Variants in ROR1 observed in about 807,000 individuals in gnomAD.
ROR1 encodes the protein ROR family WNT receptor 1, also known as inactive tyrosine-protein kinase transmembrane receptor ROR1.
Under a neutral mutation model 78.8 loss-of-function variants are expected in ROR1, and 19 were observed. That is an observed-to-expected ratio of 0.24 (90% CI 0.17 to 0.35). The LOEUF (loss-of-function observed/expected upper bound fraction) is 0.35. ROR1 is among the 10% of genes least tolerant of loss of function. The pLI is 1.00. For synonymous variants in ROR1, 386 were observed against 433.6 expected (o/e 0.89, Z 1.36); for missense variants, 917 against 1,177.8 (o/e 0.78, Z 3.24).
At chr1:64,023,428 A>G (rs757885036) in intron 2 of ROR1, among the ~76,000 whole-genome samples, 1 of 152,172 alleles carries the variant, frequency 6.6e-6, no homozygotes, top group Non-Finnish European at 1.5e-5. Flanking sequence ...TAATAGCAGG[A>G]AGAGAGATGG....
Position 64,159,164 on chromosome 1 carries a change from T to C in ROR1, c.1358T>C (p.Met453Thr). The part of the protein sequence containing the change: ...PKHVRGQNVE[M>T]SMLNAYKPKS... ...CACGTCAGAGGTCAAAATGTAGAGATGTCAATGCTGAATGCATATAAACCC... is the reference window on the plus strand; with the variant it reads ...CACGTCAGAGGTCAAAATGTAGAGACGTCAATGCTGAATGCATATAAACCC... The change falls in exon 8 of 9, where the codon ATG (methionine) becomes ACG (threonine). Residue 453 changes from methionine (M) to threonine (T), a missense_variant. Transcript: ENST00000371079. 6.2e-7 allele frequency: 1 copy of C among 1,614,030 alleles called. No homozygotes were observed. Among genetic ancestry groups the C allele is most frequent in the Non-Finnish European group, 8.5e-7 (1 of 1,179,900 alleles).
chr1:64,114,527 G>A (rs1229229806), intron 4 of ROR1, among the ~76,000 whole-genome samples: 1 of 152,134 alleles, frequency 6.6e-6, no homozygotes, highest in African/African-American at 2.4e-5. Flanking sequence ...CAGCCCTGCA[G>A]CACCTTTAAA....
chr1:63,782,362 C>CA (rs1644656277), intron 1 of ROR1, among the ~76,000 whole-genome samples: 1 of 152,028 alleles, frequency 6.6e-6, no homozygotes, highest in South Asian at 2.1e-4. Flanking sequence ...AAAAACTCCC[C>CA]AGGCAGAATC....
intron 8 of ROR1, among the ~76,000 whole-genome samples, chr1:64,162,595 G>A (rs1287587246): frequency 6.7e-6 from 1 of 148,612 alleles, no homozygotes; most frequent in Non-Finnish European, 1.5e-5. Flanking sequence ...CTAGCTTTTT[G>A]CAGTTCAATT....
intron 7 of ROR1, 86 bp from the exon 8 acceptor site, chr1:64,158,895 G>C: frequency 1.0e-6 from 1 of 952,456 alleles, no homozygotes; most frequent in East Asian, 2.5e-5. Flanking sequence ...AATAGAAGAG[G>C]TGGTTCATTT....
chr1:64,120,890 A>G (rs1242592160), intron 4 of ROR1, among the ~76,000 whole-genome samples: 1 of 152,092 alleles, frequency 6.6e-6, no homozygotes, highest in East Asian at 1.9e-4. Flanking sequence ...TCCAGTCTAG[A>G]GGAGGCTCTC....
chr1:64,062,405 G>A (rs552494255), intron 4 of ROR1, among the ~76,000 whole-genome samples: 15 of 152,218 alleles, frequency 9.9e-5, no homozygotes, highest in African/African-American at 3.1e-4. Flanking sequence ...TCCACCTCCC[G>A]GGTTCATGCC....
At position 64,166,682 on chromosome 1, in the gene ROR1, A is replaced by G. The variant is rs113823638; in HGVS notation, c.1386+7490A>G. ...GCACAGCATTAACTGGGGTGAGGACACAGGCAAGAGAATCCCAGCAAAGAT... is the reference window on the plus strand; with the variant it reads ...GCACAGCATTAACTGGGGTGAGGACGCAGGCAAGAGAATCCCAGCAAAGAT... On this transcript the variant is annotated intron_variant, in intron 8 of 8. Transcript: ENST00000371079. Among the ~76,000 whole-genome samples, 810 of 152,324 alleles carry G rather than the reference A, an allele frequency of 5.3e-3. 9 individuals are homozygous for G. Among genetic ancestry groups the G allele is most frequent in the African/African-American group, 0.017 (715 of 41,574 alleles).
intron 4 of ROR1, among the ~76,000 whole-genome samples, chr1:64,128,291 CAAA>C: frequency 9.9e-6 from 1 of 101,254 alleles, no homozygotes. Flanking sequence ...CCTGTCTCTA[CAAA>C]AAAAAAAAAA....
chr1:64,042,591 T>G (rs934343451), intron 2 of ROR1, among the ~76,000 whole-genome samples: 1 of 152,198 alleles, frequency 6.6e-6, no homozygotes. Context: ...ACCTTCAGGT[T>G]ACCCACCTCC....
chr1:63,986,535 A>G (rs891556857), intron 1 of ROR1, among the ~76,000 whole-genome samples: 2 of 152,136 alleles, frequency 1.3e-5, no homozygotes, highest in Non-Finnish European at 2.9e-5. Context: ...TCTGCTGAGG[A>G]CTTCAAACTT....
intron 4 of ROR1, among the ~76,000 whole-genome samples, chr1:64,118,491 G>A (rs914198088): frequency 6.6e-6 from 1 of 151,892 alleles, no homozygotes; most frequent in Non-Finnish European, 1.5e-5. Flanking sequence ...GCTGGGCATG[G>A]TGGTGCATGC....
intron 1 of ROR1, among the ~76,000 whole-genome samples, chr1:63,879,081 A>G (rs17125719): frequency 0.067 from 10,204 of 152,218 alleles, 1,101 homozygotes; most frequent in African/African-American, 0.23. Context: ...GAAACTTGGA[A>G]TGAGTCAGAT....
At chr1:64,055,411 G>A (rs181984436) in intron 4 of ROR1, among the ~76,000 whole-genome samples, 130 of 152,340 alleles carry the variant, frequency 8.5e-4, no homozygotes, top group Admixed American at 6.9e-3. Flanking sequence ...TCTAAGAAGA[G>A]TCCATCTCCT....
At chr1:64,039,193 A>G (rs1205996493) in intron 2 of ROR1, among the ~76,000 whole-genome samples, 1 of 152,212 alleles carries the variant, frequency 6.6e-6, no homozygotes, top group Non-Finnish European at 1.5e-5. Flanking sequence ...GAATGGAGAA[A>G]GGGAGAAAGA....
intron 4 of ROR1, among the ~76,000 whole-genome samples, chr1:64,084,447 T>C (rs1647133633): frequency 6.6e-6 from 1 of 152,252 alleles, no homozygotes; most frequent in South Asian, 2.1e-4. Flanking sequence ...ATTTTTCCCA[T>C]TGAAATTATT....
rs558418909 is a variant in ROR1, at chr1:63,820,968, G to A, written c.91+46460G>A. 3.3e-5 allele frequency among the ~76,000 whole-genome samples: 5 copies of A among 152,250 alleles called. No homozygotes were observed. In the South Asian group the frequency reaches 8.3e-4, roughly 25 times the overall value. On this transcript the variant is annotated intron_variant, in intron 1 of 8. Coordinates refer to ENST00000371079, the MANE Select transcript of ROR1 (RefSeq NM_005012.4). Reference sequence around the variant, plus strand: ...AATTGTGGTGGAATATGCTATCTCTGTTACAGGCTTCTCTTGTAACAAGCT... The same window carrying A: ...AATTGTGGTGGAATATGCTATCTCTATTACAGGCTTCTCTTGTAACAAGCT...
rs145407653 is a variant in ROR1, at chr1:64,064,454, G to A, written c.482+13738G>A. 9.8e-5 allele frequency among the ~76,000 whole-genome samples: 15 copies of A among 152,326 alleles called. No individual in the cohort carries two copies. The East Asian group carries it at 2.5e-3, about 25-fold the overall frequency. ...TGCTGCAAGAAACTATATGACACAGGGAGCCTGAGAATCACAGCCTGCAGA... is the reference window on the plus strand; with the variant it reads ...TGCTGCAAGAAACTATATGACACAGAGAGCCTGAGAATCACAGCCTGCAGA... On this transcript the variant is annotated intron_variant, in intron 4 of 8. Coordinates refer to ENST00000371079, the MANE Select transcript of ROR1 (RefSeq NM_005012.4).
chr1:63,952,724 G>C (rs1038293190), intron 1 of ROR1, among the ~76,000 whole-genome samples: 5 of 152,136 alleles, frequency 3.3e-5, no homozygotes, highest in African/African-American at 4.8e-5. Context: ...TGAGTGCCCT[G>C]AGAATAGTGG....
Sources: gnomAD v4.1 joint callset for allele counts (sites outside exome capture counted in the v4.1 genomes callset) on GRCh38, gnomAD v4.1.1 for gene constraint, MANE v1.5 for transcripts, NCBI Gene and HGNC (gene_info 2026-07-23, HGNC 2026-07-21) for gene names.